CDK14: variants seen among roughly 807,000 people sequenced by gnomAD.
CDK14 encodes cyclin dependent kinase 14.
Under a neutral mutation model 60.7 loss-of-function variants are expected in CDK14, and 34 were observed. The ratio of observed to expected loss-of-function variants is 0.56; its 90% CI spans 0.43 to 0.75. The LOEUF is 0.75. Among genes scored for constraint, CDK14 ranks in the 30% least tolerant of loss-of-function variants. The pLI is 0.00. For missense variants in CDK14, 482 were observed against 564.1 expected (o/e 0.85, Z 1.47); for synonymous variants, 197 against 203.7 (o/e 0.97, Z 0.28).
chr7:90,877,396 A>T (rs991594113), intron 6 of CDK14, among the ~76,000 whole-genome samples: 1 of 151,758 alleles, frequency 6.6e-6, no homozygotes, highest in Non-Finnish European at 1.5e-5. Context: ...CTCATGCCTC[A>T]TTTCTATTTC....
intron 2 of CDK14, among the ~76,000 whole-genome samples, chr7:90,625,993 G>C (rs993044667): frequency 1.3e-5 from 2 of 151,990 alleles, no homozygotes; most frequent in African/African-American, 4.8e-5. Flanking sequence ...ATTTTTCTTT[G>C]TACTATGGAA....
At chr7:91,075,022 C>T (rs1682949016) in intron 11 of CDK14, among the ~76,000 whole-genome samples, 2 of 152,060 alleles carry the variant, frequency 1.3e-5, no homozygotes, top group Non-Finnish European at 2.9e-5. Context: ...CAAAAAAAGC[C>T]CAGGACCAGA....
intron 6 of CDK14, among the ~76,000 whole-genome samples, chr7:90,866,438 G>T (rs1791192178): frequency 6.6e-6 from 1 of 151,682 alleles, no homozygotes; most frequent in Non-Finnish European, 1.5e-5. Context: ...CTTTTTTGAG[G>T]GAGATACCAT....
At chr7:90,681,764 A>G (rs893897598) in intron 2 of CDK14, among the ~76,000 whole-genome samples, 2 of 152,182 alleles carry the variant, frequency 1.3e-5, no homozygotes, top group African/African-American at 2.4e-5. Context: ...CTTCAGCCCT[A>G]GTGTCTTTAA....
At chr7:90,814,509 G>A (rs10276047) in intron 5 of CDK14, among the ~76,000 whole-genome samples, 66,276 of 152,016 alleles carry the variant, frequency 0.44, 15,247 homozygotes, top group East Asian at 0.82. Flanking sequence ...GTGGCCGGGC[G>A]TGGTGGCTCA....
At chr7:90,863,385 T>C (rs1791070086) in intron 6 of CDK14, 116 bp downstream of exon 6, 1 of 544,382 alleles carries the variant, frequency 1.8e-6, no homozygotes, top group African/African-American at 1.9e-5. Context: ...TTTATCTGAA[T>C]ACATGAGAAT....
intron 4 of CDK14, among the ~76,000 whole-genome samples, chr7:90,757,333 T>G (rs1396052963): frequency 6.8e-6 from 1 of 146,666 alleles, no homozygotes; most frequent in Non-Finnish European, 1.5e-5. Flanking sequence ...ATGATCTCAT[T>G]TTGATTTGAT....
chr7:90,806,637 G>A lies in CDK14; in HGVS notation c.544+15985G>A, dbSNP rs529527645. On this transcript the variant is annotated intron_variant, in intron 5 of 14. Coordinates refer to ENST00000380050, the MANE Select transcript of CDK14 (RefSeq NM_001287135.2). ...AAGTGGGTGCAGGACACTGAGTGCA[G>A]TGCACCGAGCATGAGCCAAATCAGG... Among the ~76,000 whole-genome samples, 11 of 152,320 alleles carry A rather than the reference G, an allele frequency of 7.2e-5. No homozygotes were observed. In the South Asian group the frequency reaches 2.3e-3, roughly 32 times the overall value.
chr7:90,886,067 A>T (rs1791936810), intron 6 of CDK14, among the ~76,000 whole-genome samples: 1 of 152,232 alleles, frequency 6.6e-6, no homozygotes, highest in South Asian at 2.1e-4. Context: ...GATAAATTTA[A>T]AATTCTTAAA....
chr7:90,717,622 C>T (rs1802294041), intron 2 of CDK14, among the ~76,000 whole-genome samples: 1 of 152,066 alleles, frequency 6.6e-6, no homozygotes, highest in African/African-American at 2.4e-5. Context: ...ACATTGAATT[C>T]TGATGAATGG....
At chr7:90,754,779 A>G (rs1240591050) in intron 4 of CDK14, among the ~76,000 whole-genome samples, 1 of 152,172 alleles carries the variant, frequency 6.6e-6, no homozygotes, top group African/African-American at 2.4e-5. Flanking sequence ...CAATAACCAA[A>G]TAACTCCATA....
intron 10 of CDK14, among the ~76,000 whole-genome samples, chr7:90,996,444 T>A (rs1251537869): frequency 1.3e-5 from 2 of 152,232 alleles, no homozygotes; most frequent in Non-Finnish European, 2.9e-5. Context: ...ATTGATTTCT[T>A]ATGTCTCACT....
rs147847514 is a variant in CDK14, at chr7:91,046,510, A to C, written c.1105+550A>C. 5.3e-5 allele frequency among the ~76,000 whole-genome samples: 8 copies of C among 152,336 alleles called. No homozygotes were observed. In the East Asian group the frequency reaches 1.5e-3, roughly 29 times the overall value. ...TGAAAGAAATGTGAACTTTTAAAGT[A>C]AGTTGTCCTTTTTTTTCACCAGTAG... is the stretch of plus-strand genomic sequence containing the variant. On this transcript the variant is annotated intron_variant, in intron 11 of 14. Coordinates refer to ENST00000380050, the MANE Select transcript of CDK14 (RefSeq NM_001287135.2).
chr7:91,203,377 G>T (rs1207806789), intron 14 of CDK14, among the ~76,000 whole-genome samples: 1 of 152,124 alleles, frequency 6.6e-6, no homozygotes, highest in Non-Finnish European at 1.5e-5. Context: ...AGCCGGGCCT[G>T]GGCTGTGCTC....
At chr7:90,873,053 T>A (rs569361737) in intron 6 of CDK14, among the ~76,000 whole-genome samples, 300 of 152,258 alleles carry the variant, frequency 2.0e-3, no homozygotes, top group Middle Eastern at 0.01. Context: ...TAATTTTTTT[T>A]AAAAATTTTC....
chr7:91,159,815 G>C lies in CDK14; in HGVS notation c.*28+41607G>C, dbSNP rs149461665. On this transcript the variant is annotated intron_variant, in intron 14 of 14. Coordinates refer to ENST00000380050, the MANE Select transcript of CDK14 (RefSeq NM_001287135.2). ...CAATGCGACTTGGTGGTGGGTTCTG[G>C]GGTATGGCCATGGTGGTGTTTATGG... Among the ~76,000 whole-genome samples the C allele has an allele frequency of 1.2e-3, 185 of 152,260 alleles. 2 individuals carry two copies. The highest frequency in any genetic ancestry group is 9.2e-3 in the Admixed American group (141 of 15,294).
chr7:90,676,214 T>C (rs1420912680), intron 2 of CDK14, among the ~76,000 whole-genome samples: 1 of 152,206 alleles, frequency 6.6e-6, no homozygotes, highest in African/African-American at 2.4e-5. Context: ...ATAGTAATAG[T>C]TGCTAAGGAG....
intron 6 of CDK14, among the ~76,000 whole-genome samples, chr7:90,876,572 C>T (rs920514456): frequency 1.3e-5 from 2 of 152,166 alleles, no homozygotes; most frequent in Non-Finnish European, 2.9e-5. Flanking sequence ...AGCAGTGCTG[C>T]TTCTAGGCTT....
At chr7:90,684,916 A>G (rs1488073160) in intron 2 of CDK14, among the ~76,000 whole-genome samples, 4 of 151,056 alleles carry the variant, frequency 2.6e-5, no homozygotes, top group Non-Finnish European at 5.9e-5. Context: ...ATATATATTC[A>G]TATTTTCATA....
Sources: gnomAD v4.1 joint callset for allele counts (sites outside exome capture counted in the v4.1 genomes callset) on GRCh38, gnomAD v4.1.1 for gene constraint, MANE v1.5 for transcripts, NCBI Gene and HGNC (gene_info 2026-07-23, HGNC 2026-07-21) for gene names.